RNF216: variants seen among roughly 807,000 people sequenced by gnomAD.
RNF216 encodes ring finger protein 216, also known as E3 ubiquitin-protein ligase RNF216.
A neutral mutation model predicts 110.8 loss-of-function variants in RNF216; 72 were observed. That is an observed-to-expected ratio of 0.65 (90% CI 0.54 to 0.79). The LOEUF (loss-of-function observed/expected upper bound fraction) is 0.79, where lower values mean the gene tolerates loss of function less well. Ranked by LOEUF, RNF216 falls within the 30% of genes least tolerant of loss-of-function variation. The pLI is 0.00. For missense variants in RNF216, 1,342 were observed against 1,141.2 expected (o/e 1.18, Z -2.54); for synonymous variants, 495 against 407.5 (o/e 1.21, Z -2.59).
intron 1 of RNF216, chr7:5,777,687 A>C (rs1399755920): frequency 1.3e-5 from 2 of 152,260 alleles, no homozygotes; most frequent in Non-Finnish European, 2.9e-5. Flanking sequence ...AAATTGTGTT[A>C]ACTTTAATAT....
At chr7:5,630,099 G>A (rs572478913) in intron 15 of RNF216, among the ~76,000 whole-genome samples, 1 of 152,174 alleles carries the variant, frequency 6.6e-6, no homozygotes, top group East Asian at 1.9e-4. Context: ...GAAAGAGGAT[G>A]AGGAGGAGCC....
chr7:5,661,423 A>C (rs1282135630), intron 13 of RNF216, among the ~76,000 whole-genome samples: 1 of 152,186 alleles, frequency 6.6e-6, no homozygotes, highest in African/African-American at 2.4e-5. Flanking sequence ...AAACTTACAC[A>C]TCTTCACAAA....
Position 5,752,888 on chromosome 7 carries a change from C to G in RNF216, c.159G>C (p.Gln53His). ...CATCATCCAGGTCCTCTTCTTCATG[C>G]TGCTGAGGAGCTGGGGTGACCAGCA... ...IPMLVTPAPQQHEEEDLDDDV... is the reference protein window; with the variant it reads ...IPMLVTPAPQHHEEEDLDDDV... The change falls in exon 3 of 17, where the codon CAG becomes CAC. Residue 53 changes from glutamine to histidine, a missense_variant. By Grantham distance (24) the Gln-to-His change is conservative. Transcript: ENST00000389902. 6.2e-7 allele frequency: 1 copy of G among 1,612,710 alleles called. No individual in the cohort carries two copies. The highest frequency in any genetic ancestry group is 1.7e-5 in the Admixed American group (1 of 59,834).
intron 13 of RNF216, among the ~76,000 whole-genome samples, chr7:5,684,862 T>C (rs940427910): frequency 2.0e-5 from 3 of 151,774 alleles, no homozygotes; most frequent in South Asian, 2.1e-4. Flanking sequence ...GTCAGTAAAA[T>C]TTTCCCCAAG....
In RNF216 at chr7:5,680,670, G is replaced by A. The variant is rs1391731256; in HGVS notation, c.2062-28160C>T. ...GCCCGACTCGGCCTCCCAAAGTGCTGGGATTACAGGTGTGAGCCACCGCGC... is the reference window on the plus strand; with the variant it reads ...GCCCGACTCGGCCTCCCAAAGTGCTAGGATTACAGGTGTGAGCCACCGCGC... On this transcript the variant is annotated intron_variant, in intron 13 of 16. Coordinates refer to ENST00000389902, the MANE Select transcript of RNF216 (RefSeq NM_207111.4). This position sits in a 1 kb window ranked among gnomAD's most constrained non-coding sequence, Gnocchi z 4.3. Among the ~76,000 whole-genome samples the A allele has an allele frequency of 6.6e-6, 1 of 151,992 alleles. No individual in the cohort carries two copies.
At chr7:5,659,167 C>T (rs1250366603) in intron 13 of RNF216, among the ~76,000 whole-genome samples, 2 of 152,102 alleles carry the variant, frequency 1.3e-5, no homozygotes, top group African/African-American at 4.8e-5. Context: ...GAGTTTAGTT[C>T]CAGACCAGCT....
intron 1 of RNF216, among the ~76,000 whole-genome samples, chr7:5,772,131 G>A (rs1584619851): frequency 1.3e-5 from 2 of 152,088 alleles, no homozygotes; most frequent in Admixed American, 6.6e-5. Context: ...TACTCAGGAC[G>A]CTGAGGCAGG....
chr7:5,773,630 C>T (rs1001643764), intron 1 of RNF216, among the ~76,000 whole-genome samples: 3 of 152,150 alleles, frequency 2.0e-5, no homozygotes, highest in Non-Finnish European at 4.4e-5. Context: ...TGCAGTGGCA[C>T]GATCTCAGCT....
chr7:5,739,407 G>T, intron 4 of RNF216, 55 bp from the exon 5 acceptor site: 2 of 1,528,046 alleles, frequency 1.3e-6, no homozygotes, highest in Non-Finnish European at 1.8e-6. Context: ...GGTTTCAAAT[G>T]GCAATACAAG....
intron 11 of RNF216, among the ~76,000 whole-genome samples, chr7:5,713,954 T>C (rs1792881618): frequency 6.6e-6 from 1 of 152,214 alleles, no homozygotes; most frequent in Non-Finnish European, 1.5e-5. Flanking sequence ...CATGGCCCAA[T>C]GCATTCTGCT....
intron 13 of RNF216, among the ~76,000 whole-genome samples, chr7:5,708,005 G>A (rs1446166240): frequency 6.6e-6 from 1 of 152,200 alleles, no homozygotes; most frequent in Non-Finnish European, 1.5e-5. Context: ...AGGATGACAG[G>A]TGGGAGCCAC....
At chr7:5,641,133 G>A (rs1054230045) in intron 15 of RNF216, 21 bp downstream of exon 15, 1 of 1,540,258 alleles carries the variant, frequency 6.5e-7, no homozygotes, top group Non-Finnish European at 9.0e-7. Flanking sequence ...TAAAGCAATA[G>A]GCAGCCATGT....
intron 4 of RNF216, among the ~76,000 whole-genome samples, chr7:5,740,104 C>CCTTTT (rs1794670036): frequency 8.4e-6 from 1 of 118,502 alleles, no homozygotes; most frequent in Non-Finnish European, 1.7e-5. Flanking sequence ...GATGTAACAC[C>CCTTTT]TTTTTTTTTT....
At chr7:5,718,047 G>A (rs1216292330) in intron 9 of RNF216, among the ~76,000 whole-genome samples, 3 of 152,098 alleles carry the variant, frequency 2.0e-5, no homozygotes, top group Admixed American at 2.0e-4. Context: ...CATAAAATAA[G>A]GAAAGGTAAA....
At chr7:5,718,235 G>T (rs1206534852) in intron 9 of RNF216, among the ~76,000 whole-genome samples, 1 of 151,782 alleles carries the variant, frequency 6.6e-6, no homozygotes, top group Non-Finnish European at 1.5e-5. Flanking sequence ...ACAAAAATTA[G>T]CCAGGCATGG....
At chr7:5,773,599 G>A (rs1018201488) in intron 1 of RNF216, among the ~76,000 whole-genome samples, 1 of 149,250 alleles carries the variant, frequency 6.7e-6, no homozygotes, top group African/African-American at 2.5e-5. Flanking sequence ...ACGGAATCTT[G>A]CTTTGTCACC....
At position 5,712,705 on chromosome 7, in the gene RNF216, G is replaced by A. The variant is rs200091098; in HGVS notation, c.1982+10C>T. On this transcript the variant is annotated intron_variant, in intron 12 of 16. Coordinates refer to ENST00000389902, the MANE Select transcript of RNF216 (RefSeq NM_207111.4). ...AGTTGGCAGATGGCACGCTCTGCCT[G>A]AGAACGAACCTGACAAGCTCGTCGG... The A allele has an allele frequency of 6.2e-7, 1 of 1,613,974 alleles. No individual in the cohort carries two copies. Among genetic ancestry groups the A allele is most frequent in the African/African-American group, 1.3e-5 (1 of 75,034 alleles).
rs916431891 is a variant in RNF216, at chr7:5,776,240, C to T, written c.-70+5301G>A. On this transcript the variant is annotated intron_variant, in intron 1 of 16. Coordinates refer to ENST00000389902, the MANE Select transcript of RNF216 (RefSeq NM_207111.4). Reference sequence around the variant, plus strand: ...AAACAAACTCTCAAATGGATTTTGTCTCAAAGAACTCAGAGTCCCATCAAT... The same window carrying T: ...AAACAAACTCTCAAATGGATTTTGTTTCAAAGAACTCAGAGTCCCATCAAT... 3.9e-5 allele frequency among the ~76,000 whole-genome samples: 6 copies of T among 151,978 alleles called. 1 individual carries two copies. Among genetic ancestry groups the T allele is most frequent in the Admixed American group, 3.3e-4 (5 of 15,236 alleles).
intron 13 of RNF216, among the ~76,000 whole-genome samples, chr7:5,684,585 G>A (rs1408203475): frequency 6.6e-6 from 1 of 152,162 alleles, no homozygotes; most frequent in Non-Finnish European, 1.5e-5. Context: ...TCTGGCTGAT[G>A]TCAGGGGCAG....
Sources: gnomAD v4.1 joint callset for allele counts (sites outside exome capture counted in the v4.1 genomes callset) on GRCh38, gnomAD v4.1.1 for gene constraint, Gnocchi (gnomAD v3.1) non-coding constraint, MANE v1.5 for transcripts, NCBI Gene and HGNC (gene_info 2026-07-23, HGNC 2026-07-21) for gene names.